Variants in FECH observed in about 807,000 individuals in gnomAD.
FECH encodes the protein ferrochelatase, mitochondrial.
In FECH, 40 loss-of-function variants were observed where a neutral mutation model predicts 56.9. The ratio of observed to expected loss-of-function variants is 0.70; its 90% CI spans 0.55 to 0.92. The LOEUF (loss-of-function observed/expected upper bound fraction) is 0.92. Ranked by LOEUF, FECH falls within the 40% of genes least tolerant of loss-of-function variation. The pLI, the probability that FECH is intolerant of heterozygous loss-of-function variation, is 0.00. For missense variants in FECH, 431 were observed against 529.1 expected, an observed-to-expected ratio of 0.81 and a Z score of 1.82; for synonymous variants, 175 against 198.6, an observed-to-expected ratio of 0.88 and a Z score of 1.00.
At chr18:57,576,709 A>G (rs1599010308) in intron 2 of FECH, among the ~76,000 whole-genome samples, 1 of 152,218 alleles carries the variant, frequency 6.6e-6, no homozygotes, top group African/African-American at 2.4e-5. Flanking sequence ...GATCTTACAC[A>G]TGAAAGAGAT....
At chr18:57,559,857 T>G (rs1344486328) in intron 6 of FECH, among the ~76,000 whole-genome samples, 1 of 152,160 alleles carries the variant, frequency 6.6e-6, no homozygotes, top group Admixed American at 6.5e-5. Context: ...AGGGGCCCAT[T>G]CAGTCACATC....
At chr18:57,558,122 C>T (rs142938037) in intron 7 of FECH, among the ~76,000 whole-genome samples, 82 of 152,348 alleles carry the variant, frequency 5.4e-4, no homozygotes, top group Middle Eastern at 3.4e-3. Context: ...AGGCTGACTC[C>T]ATTCCCGACA....
chr18:57,571,002 TC>T (rs1435007554), intron 4 of FECH, among the ~76,000 whole-genome samples: 3 of 152,226 alleles, frequency 2.0e-5, no homozygotes, highest in African/African-American at 7.2e-5. Context: ...TAATCAGCTA[TC>T]CAACCAGAAA....
intron 1 of FECH, 99 bp from the exon 2 acceptor site, chr18:57,580,298 G>A: frequency 6.9e-7 from 1 of 1,446,296 alleles, no homozygotes; most frequent in Non-Finnish European, 9.5e-7. Context: ...AATTTAAAGA[G>A]ATCCCATGGC....
Position 57,550,251 on chromosome 18 carries a change from T to A in FECH, c.*461A>T, listed in dbSNP as rs980511294. 3.2e-5 allele frequency: 5 copies of A among 155,428 alleles called. No individual in the cohort carries two copies. The highest frequency in any genetic ancestry group is 5.7e-5 in the Non-Finnish European group (4 of 70,122). The allele number at this position is 155,428 out of a possible 1,614,324, so 9.6% of individuals were successfully genotyped here. ...GGGCTTAGGGAAAGATTAAGTAACA[T>A]TTCTTTTTCAAATTCACTTCAAATA... On this transcript the variant is annotated 3_prime_UTR_variant, in exon 11 of 11. Transcript: ENST00000262093.
In FECH at chr18:57,548,048, C is replaced by T. The variant is rs982173571; in HGVS notation, c.*2664G>A. Reference sequence around the variant, plus strand: ...GGAGAATCCCTTGAGCCCAGGAGTTCAAGACCAGCCTGGACAACATGGCAA... The same window carrying T: ...GGAGAATCCCTTGAGCCCAGGAGTTTAAGACCAGCCTGGACAACATGGCAA... On this transcript the variant is annotated 3_prime_UTR_variant, in exon 11 of 11. Coordinates refer to ENST00000262093, the MANE Select transcript of FECH (RefSeq NM_000140.5). 6.6e-5 allele frequency among the ~76,000 whole-genome samples: 10 copies of T among 151,630 alleles called. No individual in the cohort carries two copies. The highest frequency in any genetic ancestry group is 2.4e-4 in the African/African-American group (10 of 41,260).
intron 2 of FECH, among the ~76,000 whole-genome samples, chr18:57,574,766 T>C (rs892765080): frequency 6.6e-6 from 1 of 152,248 alleles, no homozygotes; most frequent in Non-Finnish European, 1.5e-5. Context: ...TGGCAATAAC[T>C]GGGGAACTAA....
intron 4 of FECH, among the ~76,000 whole-genome samples, chr18:57,568,370 A>C (rs751416424): frequency 9.9e-5 from 15 of 152,228 alleles, no homozygotes; most frequent in Non-Finnish European, 2.1e-4. Context: ...GACAGAGTAA[A>C]ATACCCTGGA....
intron 5 of FECH, among the ~76,000 whole-genome samples, chr18:57,563,606 T>TAAAAAA (rs1555680279): frequency 1.6e-5 from 1 of 60,772 alleles, no homozygotes; most frequent in African/African-American, 6.1e-5. Context: ...AAAAAAAAAG[T>TAAAAAA]ATGTTATTTT....
intron 1 of FECH, 105 bp downstream of exon 1, chr18:57,586,449 C>T (rs1393260292): frequency 1.1e-5 from 14 of 1,280,274 alleles, no homozygotes; most frequent in Non-Finnish European, 1.5e-5. Flanking sequence ...CCCAAGGCCG[C>T]TCCCCGAATC....
At chr18:57,571,006 A>G (rs558393203) in intron 4 of FECH, among the ~76,000 whole-genome samples, 1 of 152,248 alleles carries the variant, frequency 6.6e-6, no homozygotes, top group East Asian at 1.9e-4. Flanking sequence ...CAGCTATCCA[A>G]CCAGAAAGAA....
At position 57,547,414 on chromosome 18, in the gene FECH, G is replaced by C. The variant is rs536478498; in HGVS notation, c.*3298C>G. ...CCTGGTGGAAGGAGATTGGAACATG[G>C]AGACAGTTCCCCCATGCTGTTCTTG... On this transcript the variant is annotated 3_prime_UTR_variant, in exon 11 of 11. Coordinates refer to ENST00000262093, the MANE Select transcript of FECH (RefSeq NM_000140.5). Among the ~76,000 whole-genome samples, 1 of 152,092 alleles carries C rather than the reference G, an allele frequency of 6.6e-6. No individual in the cohort carries two copies. Among genetic ancestry groups the C allele is most frequent in the African/African-American group, 2.4e-5 (1 of 41,408 alleles).
At chr18:57,560,633 A>G (rs1205850610) in intron 6 of FECH, among the ~76,000 whole-genome samples, 1 of 152,272 alleles carries the variant, frequency 6.6e-6, no homozygotes, top group African/African-American at 2.4e-5. Context: ...CCTGGGCAAC[A>G]GAGTGAAACC....
At chr18:57,581,124 C>T (rs2051271534) in intron 1 of FECH, among the ~76,000 whole-genome samples, 1 of 152,224 alleles carries the variant, frequency 6.6e-6, no homozygotes, top group Non-Finnish European at 1.5e-5. Flanking sequence ...GGCCTCTACA[C>T]TTCTGCAGGA....
At chr18:57,551,085 C>T (rs2050791230) in intron 10 of FECH, 3 of 636,672 alleles carry the variant, frequency 4.7e-6, no homozygotes, top group Non-Finnish European at 8.1e-6. Flanking sequence ...TAGGCCTTTT[C>T]TCTGGAAAGC....
rs1034482161 is a variant in FECH, at chr18:57,545,452, G to A, written c.*5260C>T. ...TTTTCTCTGAAGAAAGGCTTAGTAA[G>A]AGTCCCACATCAAAAGCAAAAGCAT... On this transcript the variant is annotated 3_prime_UTR_variant, in exon 11 of 11. Transcript: ENST00000262093. Among the ~76,000 whole-genome samples, 2 of 152,134 alleles carry A rather than the reference G, an allele frequency of 1.3e-5. No individual in the cohort carries two copies. The highest frequency in any genetic ancestry group is 2.9e-5 in the Non-Finnish European group (2 of 68,030).
At chr18:57,577,720 A>T (rs1053449942) in intron 2 of FECH, among the ~76,000 whole-genome samples, 1 of 152,254 alleles carries the variant, frequency 6.6e-6, no homozygotes, top group African/African-American at 2.4e-5. Flanking sequence ...CAGTACGGTC[A>T]CATCTTGCTA....
chr18:57,581,774 G>C (rs917102511), intron 1 of FECH, among the ~76,000 whole-genome samples: 1 of 152,194 alleles, frequency 6.6e-6, no homozygotes, highest in Non-Finnish European at 1.5e-5. Context: ...AGTTTCAATT[G>C]TCAGTTTCTA....
Position 57,571,673 on chromosome 18 carries a change from C to T in FECH, c.315-133G>A, listed in dbSNP as rs976793650. 1.8e-5 allele frequency: 23 copies of T among 1,314,170 alleles called. No individual in the cohort carries two copies. In the African/African-American group the frequency reaches 3.2e-4, roughly 18 times the overall value. The allele number at this position is 1,314,170 out of a possible 1,614,324, so 81.4% of individuals were successfully genotyped here. On this transcript the variant is annotated intron_variant, in intron 3 of 10. Coordinates refer to ENST00000262093, the MANE Select transcript of FECH (RefSeq NM_000140.5). ...CAAGATTAAGCCTTTAAAACAGAAG[C>T]TTGAGGTCATTGACAATAGCCAGCT...
Sources: gnomAD v4.1 joint callset for allele counts (sites outside exome capture counted in the v4.1 genomes callset) on GRCh38, gnomAD v4.1.1 for gene constraint, MANE v1.5 for transcripts, NCBI Gene and HGNC (gene_info 2026-07-23, HGNC 2026-07-21) for gene names.